Variants in TTC29 observed in about 807,000 individuals in gnomAD.
TTC29 encodes the protein tetratricopeptide repeat domain 29, also known as tetratricopeptide repeat protein 29.
TTC29 carries 49 observed loss-of-function variants against 58.1 expected under a neutral mutation model. The observed-to-expected ratio is 0.84, with a 90% CI of 0.67 to 1.07. The LOEUF (loss-of-function observed/expected upper bound fraction) is 1.07. Ranked by LOEUF, TTC29 falls within the 50% of genes least tolerant of loss-of-function variation. The pLI is 0.00. For missense variants in TTC29, 582 were observed against 555.6 expected, an observed-to-expected ratio of 1.05 and a Z score of -0.48; for synonymous variants, 209 against 196.8, an observed-to-expected ratio of 1.06 and a Z score of -0.52.
At chr4:146,722,838 C>T (rs1743471343) in intron 11 of TTC29, among the ~76,000 whole-genome samples, 1 of 152,108 alleles carries the variant, frequency 6.6e-6, no homozygotes. Flanking sequence ...GCTGGGATTA[C>T]AGGTATGCAC....
intron 11 of TTC29, among the ~76,000 whole-genome samples, chr4:146,725,694 GT>G (rs1467490190): frequency 1.3e-5 from 2 of 151,946 alleles, no homozygotes; most frequent in African/African-American, 4.8e-5. Flanking sequence ...TTTCATCAAG[GT>G]GTTTGCCTGC....
At chr4:146,793,413 C>T (rs1024800142) in intron 11 of TTC29, among the ~76,000 whole-genome samples, 1 of 152,068 alleles carries the variant, frequency 6.6e-6, no homozygotes, top group South Asian at 2.1e-4. Context: ...TATGACTTGC[C>T]GTAGGCTCAG....
chr4:146,733,129 G>C (rs989906593), intron 11 of TTC29, among the ~76,000 whole-genome samples: 3 of 152,078 alleles, frequency 2.0e-5, no homozygotes, highest in Non-Finnish European at 4.4e-5. Context: ...TCACAAAAAA[G>C]GATATGTGGA....
chr4:146,804,444 A>T (rs1445486567), intron 10 of TTC29, among the ~76,000 whole-genome samples: 1 of 152,130 alleles, frequency 6.6e-6, no homozygotes, highest in Non-Finnish European at 1.5e-5. Flanking sequence ...TAGCTCAGCG[A>T]ATCCCACCTG....
intron 8 of TTC29, among the ~76,000 whole-genome samples, chr4:146,841,068 G>A (rs1421789270): frequency 3.3e-5 from 5 of 152,154 alleles, no homozygotes; most frequent in African/African-American, 1.2e-4. Flanking sequence ...TTTAATTGTT[G>A]TGGAGAAGGT....
At chr4:146,887,105 C>G (rs1561221315) in intron 6 of TTC29, among the ~76,000 whole-genome samples, 2 of 152,062 alleles carry the variant, frequency 1.3e-5, no homozygotes, top group South Asian at 4.1e-4. Context: ...AAAACTTCAG[C>G]TATGCAAGAT....
At chr4:146,911,591 G>A (rs1164034007) in intron 4 of TTC29, among the ~76,000 whole-genome samples, 1 of 152,200 alleles carries the variant, frequency 6.6e-6, no homozygotes, top group Non-Finnish European at 1.5e-5. Flanking sequence ...AAGGCAGGCA[G>A]CTGAGGGCCT....
intron 8 of TTC29, among the ~76,000 whole-genome samples, chr4:146,844,398 G>A (rs1030882265): frequency 2.0e-5 from 3 of 152,258 alleles, no homozygotes; most frequent in Admixed American, 6.5e-5. Context: ...TATTGATGAA[G>A]AGATTTTATT....
chr4:146,820,374 G>T, intron 9 of TTC29, 126 bp from the exon 10 acceptor site: 1 of 1,062,352 alleles, frequency 9.4e-7, no homozygotes, highest in Non-Finnish European at 1.3e-6. Context: ...GATTTAATGT[G>T]TAAATACCAA....
intron 6 of TTC29, among the ~76,000 whole-genome samples, chr4:146,889,875 G>T (rs180684981): frequency 1.3e-5 from 2 of 152,146 alleles, no homozygotes; most frequent in Admixed American, 1.3e-4. Context: ...TGAGATATTA[G>T]TTTTTGAAAA....
chr4:146,772,423 G>C (rs1747805824), intron 11 of TTC29, among the ~76,000 whole-genome samples: 1 of 152,024 alleles, frequency 6.6e-6, no homozygotes, highest in African/African-American at 2.4e-5. Flanking sequence ...ATGTAAGAAA[G>C]GGGTCCAGTT....
At position 146,909,239 on chromosome 4, in the gene TTC29, AGTTCC is replaced by A. The variant is rs764515325; in HGVS notation, c.182_186del (p.Arg61IlefsTer17). The A allele has an allele frequency of 1.2e-6, 2 of 1,610,440 alleles. No individual in the cohort carries two copies. ...TCCACACAGATATTCTTCTTGTAGG[AGTTCC>A]TATAACTGGAAATATGAATCAGAAC... On this transcript the variant is annotated frameshift_variant, in exon 5 of 13. Transcript: ENST00000325106. LOFTEE classifies it high-confidence loss of function.
intron 11 of TTC29, among the ~76,000 whole-genome samples, chr4:146,708,833 T>C (rs1180739536): frequency 6.6e-6 from 1 of 152,100 alleles, no homozygotes; most frequent in Non-Finnish European, 1.5e-5. Flanking sequence ...TTTACTTTCT[T>C]GCTCTAACAG....
intron 11 of TTC29, among the ~76,000 whole-genome samples, chr4:146,725,131 T>C (rs1743673619): frequency 6.6e-6 from 1 of 152,198 alleles, no homozygotes; most frequent in Non-Finnish European, 1.5e-5. Flanking sequence ...GACAAAAAAG[T>C]ACTGTATCTT....
At chr4:146,924,849 C>T (rs543525803) in intron 4 of TTC29, among the ~76,000 whole-genome samples, 1 of 151,934 alleles carries the variant, frequency 6.6e-6, no homozygotes, top group South Asian at 2.1e-4. Flanking sequence ...CATTTTAATG[C>T]TATAAATTTC....
intron 8 of TTC29, among the ~76,000 whole-genome samples, chr4:146,854,254 C>T (rs1490682128): frequency 2.0e-5 from 3 of 152,134 alleles, no homozygotes; most frequent in African/African-American, 4.8e-5. Context: ...CGAACCAAGT[C>T]GTCAAGGTAT....
chr4:146,897,041 C>A (rs1244579555), intron 6 of TTC29, among the ~76,000 whole-genome samples: 1 of 152,216 alleles, frequency 6.6e-6, no homozygotes, highest in East Asian at 1.9e-4. Flanking sequence ...TAGGAGGATG[C>A]TCTTTAGTCC....
intron 11 of TTC29, among the ~76,000 whole-genome samples, chr4:146,745,080 C>T (rs1745444948): frequency 6.6e-6 from 1 of 152,232 alleles, no homozygotes; most frequent in South Asian, 2.1e-4. Flanking sequence ...CATTAGACTA[C>T]CACCAGTTTC....
chr4:146,791,444 T>C (rs538558488), intron 11 of TTC29, among the ~76,000 whole-genome samples: 1 of 152,332 alleles, frequency 6.6e-6, no homozygotes, highest in African/African-American at 2.4e-5. Context: ...ATGCCATGTA[T>C]TGCATCCATA....
Sources: gnomAD v4.1 joint callset for allele counts (sites outside exome capture counted in the v4.1 genomes callset) on GRCh38, gnomAD v4.1.1 for gene constraint, MANE v1.5 for transcripts, NCBI Gene and HGNC (gene_info 2026-07-23, HGNC 2026-07-21) for gene names.